OLFML2A: variants seen among roughly 807,000 people sequenced by gnomAD.
OLFML2A encodes the protein olfactomedin like 2A.
In OLFML2A, 47 loss-of-function variants were observed where a neutral mutation model predicts 60.9. The observed-to-expected ratio is 0.77, with a 90% CI of 0.61 to 0.98. The LOEUF (loss-of-function observed/expected upper bound fraction) is 0.98, where lower values mean the gene tolerates loss of function less well. Among genes scored for constraint, OLFML2A ranks in the 50% least tolerant of loss-of-function variants. The pLI, the probability that OLFML2A is intolerant of heterozygous loss-of-function variation, is 0.00. For synonymous variants in OLFML2A, 372 were observed against 375.0 expected, an observed-to-expected ratio of 0.99 and a Z score of 0.09; for missense variants, 922 against 879.8, an observed-to-expected ratio of 1.05 and a Z score of -0.61.
chr9:124,807,806 C>T lies in OLFML2A; in HGVS notation c.1194C>T (p.Thr398=). Residue 398 remains threonine (T), a synonymous_variant, in exon 7 of 8, where the codon ACC becomes ACT. Transcript: ENST00000373580. ...SQGREASCEG[T]LRAVDPPVRH... ...GCAGAGAGGCGAGCTGTGAGGGCACCCTCCGGGCTGTGGACCCCCCTGTGA... is the reference window on the plus strand; with the variant it reads ...GCAGAGAGGCGAGCTGTGAGGGCACTCTCCGGGCTGTGGACCCCCCTGTGA... The T allele has an allele frequency of 6.2e-7, 1 of 1,613,116 alleles. No homozygotes were observed. The highest frequency in any genetic ancestry group is 8.5e-7 in the Non-Finnish European group (1 of 1,179,752).
In OLFML2A at chr9:124,810,394, C is replaced by A; in HGVS notation, c.1941C>A (p.Thr647=). 1 of 1,597,628 alleles carries A rather than the reference C, an allele frequency of 6.3e-7. No individual in the cohort carries two copies. The highest frequency in any genetic ancestry group is 8.5e-7 in the Non-Finnish European group (1 of 1,177,842). ...ACAATGGCCACCAGCTCACCTACAC[C>A]CTCCACTTCGTGGTCTGAGTGGAGA... is the stretch of plus-strand genomic sequence containing the variant. The part of the protein sequence containing the change: ...AWDNGHQLTY[T]LHFVV The change falls in exon 8 of 8, where the codon ACC becomes ACA. Residue 647 remains threonine, a synonymous_variant. Coordinates refer to ENST00000373580, the MANE Select transcript of OLFML2A (RefSeq NM_182487.4).
At chr9:124,782,665 C>CTGCCTGGG in intron 1 of OLFML2A, among the ~76,000 whole-genome samples, 1 of 152,200 alleles carries the variant, frequency 6.6e-6, no homozygotes, top group South Asian at 2.1e-4. Context: ...AAGGGGGACC[C>CTGCCTGGG]TGCCTGGGTG....
At chr9:124,786,873 C>T in intron 1 of OLFML2A, 102 bp from the exon 2 acceptor site, 1 of 1,274,332 alleles carries the variant, frequency 7.8e-7, no homozygotes, top group Non-Finnish European at 1.1e-6. Context: ...ACTCTCATCC[C>T]AAGGCTGGCT....
chr9:124,795,419 T>A (rs998004895), intron 3 of OLFML2A, among the ~76,000 whole-genome samples: 1 of 152,174 alleles, frequency 6.6e-6, no homozygotes, highest in Non-Finnish European at 1.5e-5. Context: ...TTGCCCCCAG[T>A]GCACCAAGAT....
At chr9:124,795,580 A>T (rs1841653970) in intron 3 of OLFML2A, among the ~76,000 whole-genome samples, 1 of 152,154 alleles carries the variant, frequency 6.6e-6, no homozygotes, top group African/African-American at 2.4e-5. Flanking sequence ...GAAGTTTGAG[A>T]CCAGCTTGGC....
Position 124,810,861 on chromosome 9 carries a change from T to G in OLFML2A, c.*449T>G. ...CCTTGTTCTCTCAACCCAGTCTCCC[T>G]TCCCAGGGCCACTCAGAACCAGAGG... is the stretch of plus-strand genomic sequence containing the variant. On this transcript the variant is annotated 3_prime_UTR_variant, in exon 8 of 8. Coordinates refer to ENST00000373580, the MANE Select transcript of OLFML2A (RefSeq NM_182487.4). 1 of 151,384 alleles carries G rather than the reference T, an allele frequency of 6.6e-6. No individual in the cohort carries two copies. The highest frequency in any genetic ancestry group is 2.3e-4 in the East Asian group (1 of 4,368). The allele number at this position is 151,384 out of a possible 1,614,324, so 9.4% of individuals were successfully genotyped here.
At chr9:124,781,824 A>G (rs905520576) in intron 1 of OLFML2A, among the ~76,000 whole-genome samples, 5 of 151,578 alleles carry the variant, frequency 3.3e-5, no homozygotes, top group African/African-American at 1.2e-4. Context: ...AGTTGAGTCT[A>G]TTCAGTTGCT....
At chr9:124,786,616 G>A (rs1348239750) in intron 1 of OLFML2A, among the ~76,000 whole-genome samples, 2 of 151,786 alleles carry the variant, frequency 1.3e-5, no homozygotes, top group Non-Finnish European at 2.9e-5. Flanking sequence ...AGCTACTCGG[G>A]AGGCTGAGGC....
At chr9:124,808,687 A>G (rs12347187) in intron 7 of OLFML2A, among the ~76,000 whole-genome samples, 27,103 of 151,956 alleles carry the variant, frequency 0.18, 2,820 homozygotes, top group Admixed American at 0.28. Context: ...GCCATGCGGA[A>G]GGGAGAGGGA....
chr9:124,804,034 G>C, intron 5 of OLFML2A, 60 bp from the exon 6 acceptor site: 1 of 1,583,946 alleles, frequency 6.3e-7, no homozygotes, highest in Non-Finnish European at 8.6e-7. Flanking sequence ...TGGACCTTAG[G>C]GAGACCCACA....
chr9:124,807,083 A>T (rs1410441060), intron 6 of OLFML2A, among the ~76,000 whole-genome samples: 1 of 123,340 alleles, frequency 8.1e-6, no homozygotes, highest in Non-Finnish European at 1.7e-5. Flanking sequence ...TCAGCTAATT[A>T]AAAAAATTTT....
Position 124,810,032 on chromosome 9 carries a change from G to T in OLFML2A, c.1579G>T (p.Glu527Ter). 1 of 1,614,070 alleles carries T rather than the reference G, an allele frequency of 6.2e-7. No homozygotes were observed. Among genetic ancestry groups the T allele is most frequent in the East Asian group, 2.2e-5 (1 of 44,882 alleles). The change falls in exon 8 of 8, where the codon GAG becomes TAG. Residue 527 changes from glutamate to a stop codon, truncating the protein, a stop_gained. Coordinates refer to ENST00000373580, the MANE Select transcript of OLFML2A (RefSeq NM_182487.4). LOFTEE classifies it high-confidence loss of function. ...GHSDIDFAVDESGLWVIYPAV... is the reference protein window; with the variant it reads ...GHSDIDFAVD ...CTCGGACATTGACTTTGCCGTGGACGAGAGCGGCCTGTGGGTCATCTACCC... is the reference window on the plus strand; with the variant it reads ...CTCGGACATTGACTTTGCCGTGGACTAGAGCGGCCTGTGGGTCATCTACCC...
rs374513450 is a variant in OLFML2A, at chr9:124,810,058, C to T, written c.1605C>T (p.Pro535=). 2 of 1,613,752 alleles carry T rather than the reference C, an allele frequency of 1.2e-6. No individual in the cohort carries two copies. Among genetic ancestry groups the T allele is most frequent in the Non-Finnish European group, 1.7e-6 (2 of 1,180,012 alleles). Residue 535 remains proline, a synonymous_variant, in exon 8 of 8, where the codon CCC becomes CCT. Transcript: ENST00000373580. ...AGAGCGGCCTGTGGGTCATCTACCC[C>T]GCCGTGGACGACCGCGATGAGGCCC... ...VDESGLWVIY[P]AVDDRDEAQP... is the part of the protein sequence containing the mutation.
chr9:124,785,428 C>T (rs1588878782), intron 1 of OLFML2A, among the ~76,000 whole-genome samples: 1 of 115,226 alleles, frequency 8.7e-6, no homozygotes, highest in Non-Finnish European at 1.7e-5. Flanking sequence ...GACGGAGTCT[C>T]ACTCTGTCAC....
intron 3 of OLFML2A, among the ~76,000 whole-genome samples, chr9:124,797,683 C>G (rs927509388): frequency 6.6e-6 from 1 of 152,226 alleles, no homozygotes; most frequent in African/African-American, 2.4e-5. Context: ...GAAAAGTATA[C>G]TCAGACGAAA....
chr9:124,778,925 T>C, intron 1 of OLFML2A: 1 of 984,468 alleles, frequency 1.0e-6, no homozygotes, highest in Non-Finnish European at 1.2e-6. Flanking sequence ...GCCTCTTTCC[T>C]GGTAGAATGT....
At chr9:124,794,965 CTGTG>C in intron 2 of OLFML2A, 55 bp from the exon 3 acceptor site, 2 of 1,035,136 alleles carry the variant, frequency 1.9e-6, no homozygotes, top group Non-Finnish European at 1.5e-6. Context: ...CTTTTACCCT[CTGTG>C]TCTGGCCGGC....
intron 4 of OLFML2A, among the ~76,000 whole-genome samples, chr9:124,800,509 G>A (rs750691): frequency 0.63 from 95,644 of 152,164 alleles, 30,837 homozygotes; most frequent in South Asian, 0.75. Flanking sequence ...CCAGGTCTGC[G>A]TGACTGCCAA....
At position 124,812,625 on chromosome 9, in the gene OLFML2A, C is replaced by G. The variant is rs1052504576; in HGVS notation, c.*2213C>G. On this transcript the variant is annotated 3_prime_UTR_variant, in exon 8 of 8. Coordinates refer to ENST00000373580, the MANE Select transcript of OLFML2A (RefSeq NM_182487.4). ...GCCCCCACCCCCGGCCAACTAACCA[C>G]TGCAGGCTCCTCTTCCAGACTCACC... 1 of 153,370 alleles carries G rather than the reference C, an allele frequency of 6.5e-6. No homozygotes were observed. Among genetic ancestry groups the G allele is most frequent in the African/African-American group, 2.4e-5 (1 of 41,446 alleles). 9.5% of individuals were successfully genotyped at this position (153,370 alleles called of 1,614,324 possible).
Sources: allele counts gnomAD v4.1 joint callset (sites outside exome capture counted in the v4.1 genomes callset), GRCh38; gene constraint gnomAD v4.1.1; transcripts MANE v1.5; gene names NCBI Gene and HGNC (gene_info 2026-07-23, HGNC 2026-07-21).